Variants in HECW1 observed in about 807,000 individuals in gnomAD.
HECW1 encodes the protein E3 ubiquitin-protein ligase HECW1.
Under a neutral mutation model 182.3 loss-of-function variants are expected in HECW1, and 61 were observed. That is an observed-to-expected ratio of 0.33 (90% confidence interval 0.27 to 0.41). The LOEUF (loss-of-function observed/expected upper bound fraction) is 0.41, where lower values mean the gene tolerates loss of function less well. HECW1 is among the 10% of genes least tolerant of loss of function. HECW1 has a pLI of 1.00. For synonymous variants in HECW1, 859 were observed against 832.6 expected (o/e 1.03, Z -0.55); for missense variants, 1,739 against 2,108.9 (o/e 0.82, Z 3.44).
chr7:43,351,445 T>C (rs1270813685), intron 5 of HECW1, among the ~76,000 whole-genome samples: 1 of 152,134 alleles, frequency 6.6e-6, no homozygotes, highest in African/African-American at 2.4e-5. Flanking sequence ...ATATGCCCTT[T>C]ATCTTCCACT....
intron 2 of HECW1, among the ~76,000 whole-genome samples, chr7:43,165,294 T>C (rs1790983845): frequency 6.6e-6 from 1 of 152,144 alleles, no homozygotes; most frequent in South Asian, 2.1e-4. Flanking sequence ...CCAGAACACA[T>C]TGGCAGCCAT....
chr7:43,434,584 C>G (rs534648155), intron 8 of HECW1, among the ~76,000 whole-genome samples: 8 of 152,330 alleles, frequency 5.3e-5, no homozygotes, highest in South Asian at 2.1e-4. Context: ...AGCTGGTCCA[C>G]AAACAGACAG....
At chr7:43,299,694 T>C (rs981513812) in intron 3 of HECW1, among the ~76,000 whole-genome samples, 3 of 152,160 alleles carry the variant, frequency 2.0e-5, no homozygotes, top group Admixed American at 6.5e-5. Context: ...GTTTAAGAAA[T>C]CATAGTAGCT....
At chr7:43,453,649 A>G (rs773008858) in intron 12 of HECW1, among the ~76,000 whole-genome samples, 9 of 152,256 alleles carry the variant, frequency 5.9e-5, no homozygotes, top group Non-Finnish European at 1.3e-4. Flanking sequence ...TAATAACTAA[A>G]TATGATACAT....
intron 24 of HECW1, among the ~76,000 whole-genome samples, chr7:43,513,918 A>G (rs2080003376): frequency 6.6e-6 from 1 of 152,212 alleles, no homozygotes; most frequent in Admixed American, 6.5e-5. Context: ...ACCCATGGAC[A>G]CTGTGGTCAC....
intron 2 of HECW1, among the ~76,000 whole-genome samples, chr7:43,225,653 T>C (rs1029931454): frequency 1.3e-5 from 2 of 152,178 alleles, no homozygotes; most frequent in African/African-American, 2.4e-5. Context: ...TGAGGAACTT[T>C]TAAAATTATG....
intron 13 of HECW1, among the ~76,000 whole-genome samples, chr7:43,457,108 GT>G (rs2077426729): frequency 6.6e-6 from 1 of 152,204 alleles, no homozygotes; most frequent in Non-Finnish European, 1.5e-5. Context: ...ATGTCATTTT[GT>G]TTTTAACCTG....
At chr7:43,287,022 G>C (rs1208541792) in intron 3 of HECW1, among the ~76,000 whole-genome samples, 1 of 152,128 alleles carries the variant, frequency 6.6e-6, no homozygotes, top group Non-Finnish European at 1.5e-5. Flanking sequence ...GGGGGTAGCG[G>C]GGAGTTGTTT....
intron 8 of HECW1, among the ~76,000 whole-genome samples, chr7:43,422,898 G>A (rs866510918): frequency 6.6e-6 from 1 of 151,628 alleles, no homozygotes; most frequent in African/African-American, 2.4e-5. Flanking sequence ...GCCGAGAGTC[G>A]TCACCTGGAG....
rs972128737 is a variant in HECW1, at chr7:43,244,065, G to A, written c.27+133G>A. On this transcript the variant is annotated intron_variant, in intron 3 of 29. Coordinates refer to ENST00000395891, the MANE Select transcript of HECW1 (RefSeq NM_015052.5). ...CCCAGGAATTATCTCAAGTGTGGCTGGACATTTGAGATCCATCACCCTCCC... is the reference window on the plus strand; with the variant it reads ...CCCAGGAATTATCTCAAGTGTGGCTAGACATTTGAGATCCATCACCCTCCC... 7.9e-6 allele frequency: 6 copies of A among 762,202 alleles called. No individual in the cohort carries two copies. The African/African-American group carries it at 8.5e-5, about 11-fold the overall frequency. 47.2% of individuals were successfully genotyped at this position (762,202 alleles called of 1,614,324 possible). A position where few individuals can be genotyped will look rare whatever the true frequency, so the allele number is the denominator to read the frequency against.
intron 24 of HECW1, among the ~76,000 whole-genome samples, chr7:43,529,781 T>C (rs1180112064): frequency 6.6e-6 from 1 of 152,062 alleles, no homozygotes; most frequent in Non-Finnish European, 1.5e-5. Context: ...TTCTCATGGA[T>C]CTTTACACTT....
chr7:43,323,746 G>C (rs1810424995), intron 5 of HECW1, among the ~76,000 whole-genome samples: 1 of 152,154 alleles, frequency 6.6e-6, no homozygotes. Context: ...CAAATGGCTT[G>C]ACCGTGCGCG....
At chr7:43,225,747 A>G (rs963849820) in intron 2 of HECW1, among the ~76,000 whole-genome samples, 6 of 152,198 alleles carry the variant, frequency 3.9e-5, no homozygotes, top group Non-Finnish European at 7.3e-5. Context: ...TATGAGATCA[A>G]TATAGAATCT....
intron 5 of HECW1, among the ~76,000 whole-genome samples, chr7:43,339,841 C>T (rs1360445496): frequency 1.3e-5 from 2 of 152,050 alleles, no homozygotes; most frequent in African/African-American, 4.8e-5. Context: ...TTCAGTGGGG[C>T]CCCTCTCCCT....
chr7:43,157,015 C>T (rs2152651996), intron 2 of HECW1, among the ~76,000 whole-genome samples: 1 of 152,296 alleles, frequency 6.6e-6, no homozygotes, highest in African/African-American at 2.4e-5. Context: ...CATAATTTAG[C>T]CTGTCCTGAC....
chr7:43,438,222 A>C (rs2076770495), intron 9 of HECW1, 77 bp downstream of exon 9: 3 of 1,245,452 alleles, frequency 2.4e-6, no homozygotes, highest in Admixed American at 2.0e-5. Context: ...TGTAGGCTGC[A>C]ATAGTATAGT....
chr7:43,552,424 G>A, intron 28 of HECW1, 88 bp downstream of exon 28: 1 of 900,082 alleles, frequency 1.1e-6, no homozygotes, highest in South Asian at 1.3e-5. Context: ...TGAAATTGAT[G>A]TAAAATAAAA....
At chr7:43,132,149 A>ACTTTG (rs1475860486) in intron 2 of HECW1, among the ~76,000 whole-genome samples, 10 of 152,038 alleles carry the variant, frequency 6.6e-5, no homozygotes, top group African/African-American at 2.4e-4. Context: ...TTGCATCTCC[A>ACTTTG]CACAGCCCCT....
chr7:43,136,374 C>A (rs1787539396), intron 2 of HECW1, among the ~76,000 whole-genome samples: 1 of 152,194 alleles, frequency 6.6e-6, no homozygotes. Flanking sequence ...TAAGAGGATG[C>A]ACTTGCAGAG....
Sources: allele counts gnomAD v4.1 joint callset (sites outside exome capture counted in the v4.1 genomes callset), GRCh38; gene constraint gnomAD v4.1.1; transcripts MANE v1.5; gene names NCBI Gene and HGNC (gene_info 2026-07-23, HGNC 2026-07-21).